CFI: variants seen among roughly 807,000 people sequenced by gnomAD.
CFI encodes C3B/C4B inactivator.
CFI carries 66 observed loss-of-function variants against 78.8 expected under a neutral mutation model. The observed-to-expected ratio is 0.84, with a 90% CI of 0.69 to 1.03. The LOEUF is 1.03. CFI is among the 50% of genes least tolerant of loss of function. The pLI, the probability that CFI is intolerant of heterozygous loss-of-function variation, is 0.00. For missense variants in CFI, 706 were observed against 704.5 expected, an observed-to-expected ratio of 1.00 and a Z score of -0.02; for synonymous variants, 250 against 232.6, an observed-to-expected ratio of 1.07 and a Z score of -0.68.
chr4:109,779,097 A>G (rs1044023516), intron 1 of CFI, among the ~76,000 whole-genome samples: 2 of 152,034 alleles, frequency 1.3e-5, no homozygotes, highest in Non-Finnish European at 2.9e-5. Context: ...CTCTCTCACC[A>G]CTCCTATTCA....
the CFI span, among the ~76,000 whole-genome samples, chr4:109,734,973 C>G: frequency 6.6e-6 from 1 of 152,068 alleles, no homozygotes; most frequent in Admixed American, 6.5e-5. Flanking sequence ...TTTCTTTTTT[C>G]AGAGACAGAG....
chr4:109,758,752 A>G lies in CFI; in HGVS notation c.884-969T>C, dbSNP rs1359242750. ...ATCACTAGAGGAGGGACAACCAGAC[A>G]AGAAGACATTATGTGTAACAGGAAA... On this transcript the variant is annotated intron_variant, in intron 6 of 12. Transcript: ENST00000394634. Among the ~76,000 whole-genome samples, 5 of 152,218 alleles carry G rather than the reference A, an allele frequency of 3.3e-5. No individual in the cohort carries two copies. The East Asian group carries it at 9.6e-4, about 29-fold the overall frequency.
At chr4:109,761,227 A>C (rs1246258483) in intron 4 of CFI, among the ~76,000 whole-genome samples, 1 of 152,202 alleles carries the variant, frequency 6.6e-6, no homozygotes, top group Non-Finnish European at 1.5e-5. Context: ...CTTATGTTTG[A>C]TTGACTTGTG....
intron 7 of CFI, among the ~76,000 whole-genome samples, chr4:109,754,101 A>T (rs1399784228): frequency 2.0e-5 from 3 of 151,584 alleles, no homozygotes; most frequent in African/African-American, 4.8e-5. Context: ...CTCCTGCCTC[A>T]GCCTCCCGAG....
intron 7 of CFI, among the ~76,000 whole-genome samples, chr4:109,756,921 GAAAGAAAGAAA>G: frequency 7.5e-6 from 1 of 133,982 alleles, no homozygotes; most frequent in Non-Finnish European, 1.6e-5. Context: ...AAGAAAGAAA[GAAAGAAAGAAA>G]GAAAGAAAGA....
At chr4:109,792,067 A>T (rs1731450935) in intron 1 of CFI, among the ~76,000 whole-genome samples, 1 of 151,980 alleles carries the variant, frequency 6.6e-6, no homozygotes, top group African/African-American at 2.4e-5. Flanking sequence ...ATTTATTAAG[A>T]CTCATTTTGT....
chr4:109,754,694 T>C lies in CFI; in HGVS notation c.905-2191A>G, dbSNP rs367961784. ...TTGGGACAGGCATATGAGTGTTTGTTATGCCACACACCTAAGTTGTTTTCT... is the reference window on the plus strand; with the variant it reads ...TTGGGACAGGCATATGAGTGTTTGTCATGCCACACACCTAAGTTGTTTTCT... On this transcript the variant is annotated intron_variant, in intron 7 of 12. Coordinates refer to ENST00000394634, the MANE Select transcript of CFI (RefSeq NM_000204.5). Among the ~76,000 whole-genome samples, 9 of 152,276 alleles carry C rather than the reference T, an allele frequency of 5.9e-5. No individual in the cohort carries two copies. The East Asian group carries it at 1.4e-3, about 23-fold the overall frequency.
intron 1 of CFI, among the ~76,000 whole-genome samples, chr4:109,787,448 T>A (rs1295036682): frequency 6.6e-6 from 1 of 152,060 alleles, no homozygotes. Context: ...CAGCCCTGCT[T>A]TTGACATAAA....
chr4:109,765,905 T>G (rs949350283), intron 2 of CFI, among the ~76,000 whole-genome samples: 1 of 151,948 alleles, frequency 6.6e-6, no homozygotes, highest in African/African-American at 2.4e-5. Flanking sequence ...GATCACAAGG[T>G]CAGGAGATCG....
intron 11 of CFI, 92 bp from the exon 12 acceptor site, chr4:109,742,687 G>A: frequency 3.6e-6 from 3 of 823,892 alleles, no homozygotes; most frequent in Non-Finnish European, 6.2e-6. Flanking sequence ...ATTATGAAAG[G>A]GTGTATAGTT....
At chr4:109,738,094 T>C (rs1463903254), downstream of CFI, among the ~76,000 whole-genome samples, 1 of 150,092 alleles carries the variant, frequency 6.7e-6, no homozygotes, top group African/African-American at 2.5e-5. Context: ...TCCCACCTTG[T>C]AGCACTGGAG....
rs1396927042 is a variant in CFI, at chr4:109,764,738, T to C, written c.329-48A>G. 6 of 1,540,624 alleles carry C rather than the reference T, an allele frequency of 3.9e-6. No individual in the cohort carries two copies. The Admixed American group carries it at 7.0e-5, about 18-fold the overall frequency. On this transcript the variant is annotated intron_variant, in intron 2 of 12. Transcript: ENST00000394634. ...TGTGCAATATGTAGCCATTCACTTT[T>C]TTCTCTTAATTAAAAGTCTTTAAAA...
chr4:109,786,438 T>G (rs1249526249), intron 1 of CFI, among the ~76,000 whole-genome samples: 1 of 152,066 alleles, frequency 6.6e-6, no homozygotes, highest in Non-Finnish European at 1.5e-5. Context: ...TAGATGGTCG[T>G]TCATTAGAAC....
chr4:109,795,777 T>C (rs546368666), intron 1 of CFI, among the ~76,000 whole-genome samples: 7 of 152,164 alleles, frequency 4.6e-5, no homozygotes, highest in African/African-American at 1.7e-4. Flanking sequence ...AGAGAATCAG[T>C]GAACTCAAAG....
At chr4:109,792,166 T>C (rs1357358662) in intron 1 of CFI, among the ~76,000 whole-genome samples, 2 of 152,228 alleles carry the variant, frequency 1.3e-5, no homozygotes, top group Non-Finnish European at 2.9e-5. Flanking sequence ...CAGAGTTCTA[T>C]ATATGTCTAG....
intron 4 of CFI, among the ~76,000 whole-genome samples, chr4:109,761,262 A>T (rs1727017943): frequency 6.6e-6 from 1 of 152,200 alleles, no homozygotes; most frequent in Non-Finnish European, 1.5e-5. Context: ...TTTAATCCAG[A>T]TGTTCAAATG....
intron 1 of CFI, among the ~76,000 whole-genome samples, chr4:109,796,294 T>C (rs996894084): frequency 6.6e-6 from 1 of 151,962 alleles, no homozygotes; most frequent in African/African-American, 2.4e-5. Context: ...AGAAAAACTA[T>C]CCTCTAAAAA....
intron 7 of CFI, among the ~76,000 whole-genome samples, chr4:109,756,901 GAAAGA>G (rs1726271112): frequency 4.1e-4 from 15 of 36,514 alleles, no homozygotes; most frequent in African/African-American, 1.4e-3. Context: ...AAGAAAGAAA[GAAAGA>G]AAGAAAGAAA....
Position 109,781,389 on chromosome 4 carries a change from C to T in CFI, c.58-14565G>A, listed in dbSNP as rs183593574. Among the ~76,000 whole-genome samples, 74 of 152,150 alleles carry T rather than the reference C, an allele frequency of 4.9e-4. No individual in the cohort carries two copies. In the East Asian group the frequency reaches 0.01, roughly 21 times the overall value. On this transcript the variant is annotated intron_variant, in intron 1 of 12. Transcript: ENST00000394634. ...TTCAAGGCTACTATGAACATCTTTA[C>T]GCACATAAACTAGACTAGAAGAGAT...
Sources: gnomAD v4.1 joint callset for allele counts (sites outside exome capture counted in the v4.1 genomes callset) on GRCh38, gnomAD v4.1.1 for gene constraint, MANE v1.5 for transcripts, NCBI Gene and HGNC (gene_info 2026-07-23, HGNC 2026-07-21) for gene names.